Variants in DKK2 observed in about 807,000 individuals in gnomAD.
DKK2 encodes the protein dickkopf-related protein 2.
In DKK2, 11 loss-of-function variants were observed where a neutral mutation model predicts 28.1. That is an observed-to-expected ratio of 0.39 (90% CI 0.25 to 0.65). DKK2 has a LOEUF of 0.65. Ranked by LOEUF, DKK2 falls within the 30% of genes least tolerant of loss-of-function variation. The pLI is 0.47. For synonymous variants in DKK2, 135 were observed against 126.5 expected, an observed-to-expected ratio of 1.07 and a Z score of -0.45; for missense variants, 326 against 335.5, an observed-to-expected ratio of 0.97 and a Z score of 0.22.
intron 1 of DKK2, among the ~76,000 whole-genome samples, chr4:106,989,179 A>G (rs529730106): frequency 1.2e-4 from 18 of 152,184 alleles, no homozygotes; most frequent in Non-Finnish European, 2.1e-4. Context: ...GCTAAAGACC[A>G]CCTACATTTT....
chr4:106,939,689 C>T (rs1377779532), intron 1 of DKK2, among the ~76,000 whole-genome samples: 1 of 152,140 alleles, frequency 6.6e-6, no homozygotes, highest in African/African-American at 2.4e-5. Context: ...GGAGGCATCA[C>T]ACTACCTGAC....
intron 1 of DKK2, among the ~76,000 whole-genome samples, chr4:106,955,383 C>G (rs954066770): frequency 4.6e-5 from 7 of 152,144 alleles, no homozygotes; most frequent in Admixed American, 2.6e-4. Flanking sequence ...TGTAAACAGA[C>G]TCCTTTGCTG....
At chr4:106,944,070 A>G (rs1369104601) in intron 1 of DKK2, among the ~76,000 whole-genome samples, 1 of 152,088 alleles carries the variant, frequency 6.6e-6, no homozygotes, top group Non-Finnish European at 1.5e-5. Context: ...GATCAAGAAT[A>G]TATTTCATGA....
chr4:107,003,010 A>T (rs1004472960), intron 1 of DKK2, among the ~76,000 whole-genome samples: 3 of 152,172 alleles, frequency 2.0e-5, no homozygotes, highest in African/African-American at 7.2e-5. Flanking sequence ...ATACCTACTA[A>T]AGGATTATGA....
chr4:106,966,304 T>C (rs1051883494), intron 1 of DKK2, among the ~76,000 whole-genome samples: 14 of 151,812 alleles, frequency 9.2e-5, no homozygotes, highest in Non-Finnish European at 1.5e-4. Flanking sequence ...TACCACTCTT[T>C]CTCTGAAGAA....
chr4:106,938,207 T>C (rs1260541054), intron 1 of DKK2, among the ~76,000 whole-genome samples: 2 of 148,484 alleles, frequency 1.3e-5, no homozygotes, highest in Non-Finnish European at 3.0e-5. Context: ...ATCAACAAAA[T>C]TGATAGACCG....
chr4:107,020,751 A>G (rs1723679764), intron 1 of DKK2, among the ~76,000 whole-genome samples: 1 of 151,972 alleles, frequency 6.6e-6, no homozygotes. Context: ...TTTAAAAATA[A>G]TTTTTGACAG....
At chr4:107,016,247 G>C (rs1220675611) in intron 1 of DKK2, among the ~76,000 whole-genome samples, 1 of 151,828 alleles carries the variant, frequency 6.6e-6, no homozygotes, top group Non-Finnish European at 1.5e-5. Context: ...TAACATAGAA[G>C]AAAACTTTTA....
At chr4:106,965,400 T>G (rs1229359419) in intron 1 of DKK2, among the ~76,000 whole-genome samples, 1 of 152,082 alleles carries the variant, frequency 6.6e-6, no homozygotes, top group Non-Finnish European at 1.5e-5. Flanking sequence ...CTCAAGAATG[T>G]CAAAGCCAAG....
chr4:107,027,901 G>A (rs536596782), intron 1 of DKK2, among the ~76,000 whole-genome samples: 37 of 151,968 alleles, frequency 2.4e-4, no homozygotes, highest in Admixed American at 2.0e-4. Context: ...ACAGGCGCCT[G>A]CCACCACGCC....
At chr4:106,946,138 C>G (rs1249652128) in intron 1 of DKK2, among the ~76,000 whole-genome samples, 1 of 152,070 alleles carries the variant, frequency 6.6e-6, no homozygotes, top group Non-Finnish European at 1.5e-5. Flanking sequence ...AGACCAACTG[C>G]TGGTCTTTAT....
Position 106,924,692 on chromosome 4 carries a change from T to C in DKK2, c.382A>G (p.Ile128Val), listed in dbSNP as rs376498901. Residue 128 changes from isoleucine to valine, a missense_variant, in exon 3 of 4, where the codon ATC (isoleucine) becomes GTC (valine). By Grantham distance (29) the Ile-to-Val change is conservative. Coordinates refer to ENST00000285311, the MANE Select transcript of DKK2 (RefSeq NM_014421.3). ...GTTAAGATGCTTTCAGTAACTGGGATACAGATGCCTGGAGATGATCATATA... is the reference window on the plus strand; with the variant it reads ...GTTAAGATGCTTTCAGTAACTGGGACACAGATGCCTGGAGATGATCATATA... ...PSTRCNNGIC[I>V]PVTESILTPH... 1.7e-5 allele frequency: 28 copies of C among 1,613,128 alleles called. No homozygotes were observed. Among genetic ancestry groups the C allele is most frequent in the Admixed American group, 3.3e-5 (2 of 59,842 alleles).
At chr4:106,929,467 T>A (rs1431555538) in intron 1 of DKK2, among the ~76,000 whole-genome samples, 2 of 152,220 alleles carry the variant, frequency 1.3e-5, no homozygotes, top group Admixed American at 1.3e-4. Flanking sequence ...TGCAGAATCA[T>A]TCATTATTGC....
At chr4:106,955,234 C>T (rs747606942) in intron 1 of DKK2, among the ~76,000 whole-genome samples, 1 of 152,026 alleles carries the variant, frequency 6.6e-6, no homozygotes, top group Non-Finnish European at 1.5e-5. Context: ...GTTTAATGCC[C>T]TCCCAAAAGC....
intron 1 of DKK2, among the ~76,000 whole-genome samples, chr4:106,987,840 CCTAA>C (rs1360584405): frequency 6.6e-6 from 1 of 151,576 alleles, no homozygotes; most frequent in East Asian, 1.9e-4. Flanking sequence ...CCTGAAAAAC[CCTAA>C]CTGACATGAT....
At chr4:106,935,599 T>G (rs994411033) in intron 1 of DKK2, among the ~76,000 whole-genome samples, 4 of 152,334 alleles carry the variant, frequency 2.6e-5, no homozygotes, top group African/African-American at 9.6e-5. Flanking sequence ...AAGCTCCAAC[T>G]GGGTGGAGCC....
chr4:106,972,109 C>A (rs1384671492), intron 1 of DKK2, among the ~76,000 whole-genome samples: 1 of 152,016 alleles, frequency 6.6e-6, no homozygotes. Flanking sequence ...TTCAGTGCAA[C>A]CTATTGAATG....
chr4:107,005,181 A>C (rs961973413), intron 1 of DKK2, among the ~76,000 whole-genome samples: 1 of 152,006 alleles, frequency 6.6e-6, no homozygotes, highest in Non-Finnish European at 1.5e-5. Context: ...CTCTACTAAA[A>C]ATACAAAAAA....
chr4:107,006,326 A>C (rs1218990386), intron 1 of DKK2, among the ~76,000 whole-genome samples: 1 of 152,178 alleles, frequency 6.6e-6, no homozygotes, highest in African/African-American at 2.4e-5. Context: ...ATTCAGAAGG[A>C]AGAATTTCAG....
Sources: gnomAD v4.1 joint callset for allele counts (sites outside exome capture counted in the v4.1 genomes callset) on GRCh38, gnomAD v4.1.1 for gene constraint, MANE v1.5 for transcripts, NCBI Gene and HGNC (gene_info 2026-07-23, HGNC 2026-07-21) for gene names.